Variants in NUP155 observed in about 807,000 individuals in gnomAD.
The protein encoded by NUP155 is nucleoporin 155.
In NUP155, 71 loss-of-function variants were observed where a neutral mutation model predicts 180.4. The observed-to-expected ratio is 0.39, with a 90% CI of 0.33 to 0.48. The LOEUF (loss-of-function observed/expected upper bound fraction) is 0.48, where lower values mean the gene tolerates loss of function less well. Among genes scored for constraint, NUP155 ranks in the 20% least tolerant of loss-of-function variants. The probability of loss-of-function intolerance (pLI) is 0.91; values close to 1 mark genes in which losing one functional copy is unlikely to be tolerated. For synonymous variants in NUP155, 582 were observed against 559.5 expected (o/e 1.04, Z -0.57); for missense variants, 1,553 against 1,648.9 (o/e 0.94, Z 1.01).
intron 20 of NUP155, among the ~76,000 whole-genome samples, chr5:37,320,306 C>T (rs1051215401): frequency 2.6e-5 from 4 of 152,120 alleles, no homozygotes; most frequent in South Asian, 2.1e-4. Flanking sequence ...GGAGAAACCC[C>T]GTCTCTACTA....
chr5:37,303,208 A>G, intron 28 of NUP155, 52 bp downstream of exon 28: 1 of 1,586,456 alleles, frequency 6.3e-7, no homozygotes, highest in Non-Finnish European at 8.7e-7. Context: ...GAATGTAAGT[A>G]CATATAGCTC....
intron 4 of NUP155, among the ~76,000 whole-genome samples, chr5:37,357,169 C>T (rs767218785): frequency 6.6e-6 from 1 of 150,994 alleles, no homozygotes; most frequent in Non-Finnish European, 1.5e-5. Context: ...ACCCAGCATC[C>T]CTGAGGTGGG....
intron 11 of NUP155, among the ~76,000 whole-genome samples, chr5:37,340,803 T>C (rs1377776344): frequency 6.6e-6 from 1 of 152,224 alleles, no homozygotes; most frequent in Non-Finnish European, 1.5e-5. Flanking sequence ...TGAATTTCAC[T>C]ACAATTTCAA....
chr5:37,357,893 T>A (rs1746946990), intron 4 of NUP155, among the ~76,000 whole-genome samples, 188 bp downstream of exon 4: 1 of 152,140 alleles, frequency 6.6e-6, no homozygotes, highest in South Asian at 2.1e-4. Context: ...TTCGGGAGGC[T>A]GAGGCAGGAG....
intron 11 of NUP155, among the ~76,000 whole-genome samples, chr5:37,339,527 T>C (rs541353484): frequency 4.0e-5 from 6 of 151,748 alleles, no homozygotes; most frequent in Non-Finnish European, 7.4e-5. Flanking sequence ...CCTCAGGAGG[T>C]TGAGCAAGGA....
At chr5:37,323,859 A>G in intron 20 of NUP155, 133 bp downstream of exon 20, 2 of 668,730 alleles carry the variant, frequency 3.0e-6, no homozygotes, top group Non-Finnish European at 5.4e-6. Flanking sequence ...TGATGGTTGC[A>G]TAACCTTGTA....
intron 19 of NUP155, among the ~76,000 whole-genome samples, chr5:37,324,400 T>A (rs918192488): frequency 3.9e-5 from 6 of 152,178 alleles, no homozygotes; most frequent in African/African-American, 1.4e-4. Flanking sequence ...AAAGAAAGTT[T>A]CCTATGTTCC....
intron 11 of NUP155, among the ~76,000 whole-genome samples, chr5:37,340,839 A>G (rs1278508451): frequency 6.6e-6 from 1 of 152,168 alleles, no homozygotes; most frequent in Non-Finnish European, 1.5e-5. Flanking sequence ...CAGGAGGTAT[A>G]TGTGCAAATC....
rs963903294 is a variant in NUP155 at position 37,322,213 on chromosome 5, C to T, written c.2207+1779G>A. ...TATTGCCCAGGCTGGTCTCGAACTC[C>T]TGGCTTCAAGCAATCCTCCTGCCTT... On this transcript the variant is annotated intron_variant, in intron 20 of 34. Transcript: ENST00000231498. Among the ~76,000 whole-genome samples, 12 of 152,220 alleles carry T rather than the reference C, an allele frequency of 7.9e-5. No homozygotes were observed. In the South Asian group the frequency reaches 1.9e-3, roughly 24 times the overall value.
intron 34 of NUP155, 140 bp downstream of exon 34, chr5:37,292,739 T>G: frequency 1.6e-6 from 1 of 639,246 alleles, no homozygotes; most frequent in Non-Finnish European, 2.8e-6. Flanking sequence ...CTATTTTTCA[T>G]ACATGGTGAT....
rs1232464862 is a variant in NUP155, at chr5:37,296,085, C to A, written c.3794-1620G>T. ...TCAGCCCCCCGCCCGGCCAGCCGCC[C>A]CGTCCGGGAGGTGAGGGGCACCTCT... On this transcript the variant is annotated intron_variant, in intron 32 of 34. Coordinates refer to ENST00000231498, the MANE Select transcript of NUP155 (RefSeq NM_153485.3). 1.9e-3 allele frequency among the ~76,000 whole-genome samples: 289 copies of A among 150,294 alleles called. 3 individuals carry two copies. Among genetic ancestry groups the A allele is most frequent in the Admixed American group, 3.0e-3 (46 of 15,208 alleles).
At chr5:37,362,075 G>A (rs1315394827) in intron 3 of NUP155, among the ~76,000 whole-genome samples, 1 of 147,120 alleles carries the variant, frequency 6.8e-6, no homozygotes, top group African/African-American at 2.7e-5. Flanking sequence ...CCATGAGAAA[G>A]AAATTCATGT....
chr5:37,304,860 A>T lies in NUP155; in HGVS notation c.3058-17T>A, dbSNP rs763457043. 4 of 1,603,004 alleles carry T rather than the reference A, an allele frequency of 2.5e-6. No individual in the cohort carries two copies. The highest frequency in any genetic ancestry group is 3.4e-6 in the Non-Finnish European group (4 of 1,169,894). On this transcript the variant is annotated splice_polypyrimidine_tract_variant and intron_variant, in intron 26 of 34. Coordinates refer to ENST00000231498, the MANE Select transcript of NUP155 (RefSeq NM_153485.3). ...TTGTTCAAACTAAAATAAAGAAAAT[A>T]GTAAAAATTAGCAGTTAAAGGCTCT...
intron 24 of NUP155, among the ~76,000 whole-genome samples, chr5:37,307,731 G>C (rs776729811): frequency 2.0e-5 from 3 of 151,926 alleles, no homozygotes; most frequent in Non-Finnish European, 4.4e-5. Flanking sequence ...AGACCAGCCT[G>C]ACCAACATGG....
At position 37,371,016 on chromosome 5, in the gene NUP155, A is replaced by C. The variant is rs773999873; in HGVS notation, c.-39T>G. The stretch of plus-strand genomic sequence containing the variant: ...GACACCAGGGTCCAGAAAAAGTCAA[A>C]AACCAAGGAGAAACAAGAAAAGATC... On this transcript the variant is annotated 5_prime_UTR_variant, in exon 1 of 35. Coordinates refer to ENST00000231498, the MANE Select transcript of NUP155 (RefSeq NM_153485.3). The C allele has an allele frequency of 2.5e-6, 4 of 1,603,842 alleles. No homozygotes were observed. The highest frequency in any genetic ancestry group is 3.4e-6 in the Non-Finnish European group (4 of 1,172,686).
chr5:37,313,525 G>A (rs1743668185), intron 22 of NUP155, among the ~76,000 whole-genome samples: 1 of 151,410 alleles, frequency 6.6e-6, no homozygotes, highest in Non-Finnish European at 1.5e-5. Flanking sequence ...GAGAGAGACA[G>A]GGTCTCACTC....
At chr5:37,365,790 C>CACACACACAG (rs1747547188) in intron 1 of NUP155, among the ~76,000 whole-genome samples, 1 of 133,674 alleles carries the variant, frequency 7.5e-6, no homozygotes, top group Non-Finnish European at 1.6e-5. Context: ...CACACACACA[C>CACACACACAG]ACAGACGCCT....
Position 37,365,752 on chromosome 5 carries a change from T to TATATATACACACAC in NUP155, c.158-1369_158-1368insGTGTGTGTATATAT, listed in dbSNP as rs1403169370. On this transcript the variant is annotated intron_variant, in intron 1 of 34. Transcript: ENST00000231498. The stretch of plus-strand genomic sequence containing the variant: ...AAAAAAAAAAAAATATATATATATA[T>TATATATACACACAC]ACACACACACACACACACACACACA... Among the ~76,000 whole-genome samples, 53 of 37,886 alleles carry TATATATACACACAC rather than the reference T, an allele frequency of 1.4e-3. 2 individuals carry two copies. Among genetic ancestry groups the TATATATACACACAC allele is most frequent in the South Asian group, 5.8e-3 (4 of 694 alleles). 24.9% of individuals were successfully genotyped at this position (37,886 alleles called of 152,430 possible). A position where few individuals can be genotyped will look rare whatever the true frequency, so the allele number is the denominator to read the frequency against.
At chr5:37,315,658 G>C in intron 21 of NUP155, among the ~76,000 whole-genome samples, 1 of 152,214 alleles carries the variant, frequency 6.6e-6, no homozygotes, top group East Asian at 1.9e-4. Context: ...AAATGCTGTG[G>C]CTGGCCAGGC....
Sources: gnomAD v4.1 joint callset for allele counts (sites outside exome capture counted in the v4.1 genomes callset) on GRCh38, gnomAD v4.1.1 for gene constraint, MANE v1.5 for transcripts, NCBI Gene and HGNC (gene_info 2026-07-23, HGNC 2026-07-21) for gene names.